Variants in COL22A1 observed in about 807,000 individuals in gnomAD.
COL22A1 encodes the protein collagen alpha-1(XXII) chain.
Under a neutral mutation model 248.9 loss-of-function variants are expected in COL22A1, and 221 were observed. The observed-to-expected ratio is 0.89, with a 90% CI of 0.80 to 0.99. The LOEUF is 0.99. Among genes scored for constraint, COL22A1 ranks in the 50% least tolerant of loss-of-function variants. The pLI is 0.00. For missense variants in COL22A1, 2,240 were observed against 2,179.0 expected, an observed-to-expected ratio of 1.03 and a Z score of -0.56; for synonymous variants, 891 against 793.4, an observed-to-expected ratio of 1.12 and a Z score of -2.07.
intron 30 of COL22A1, among the ~76,000 whole-genome samples, chr8:138,713,538 G>A (rs12674545): frequency 0.78 from 119,068 of 152,122 alleles, 47,457 homozygotes; most frequent in Non-Finnish European, 0.86. Context: ...CAGACAAATA[G>A]GCCCGTGGAC....
intron 46 of COL22A1, among the ~76,000 whole-genome samples, chr8:138,646,936 C>T (rs1822253789): frequency 1.3e-5 from 2 of 152,166 alleles, no homozygotes; most frequent in Admixed American, 6.5e-5. Flanking sequence ...GCCTGATGGC[C>T]CCTGCCTCCC....
At chr8:138,769,882 A>G (rs1436929924) in intron 16 of COL22A1, among the ~76,000 whole-genome samples, 3 of 152,104 alleles carry the variant, frequency 2.0e-5, no homozygotes, top group African/African-American at 7.2e-5. Flanking sequence ...TGCAGGGTGG[A>G]TTGTGGCTTC....
At chr8:138,675,107 T>C (rs1825408193) in intron 41 of COL22A1, among the ~76,000 whole-genome samples, 1 of 152,200 alleles carries the variant, frequency 6.6e-6, no homozygotes, top group Non-Finnish European at 1.5e-5. Flanking sequence ...CAGAGCTACC[T>C]GGTCTTCTTG....
chr8:138,782,221 G>A (rs908203867), intron 12 of COL22A1, among the ~76,000 whole-genome samples: 1 of 152,204 alleles, frequency 6.6e-6, no homozygotes, highest in Non-Finnish European at 1.5e-5. Context: ...CTTCCTGGCT[G>A]TGAGACCTTT....
intron 3 of COL22A1, among the ~76,000 whole-genome samples, chr8:138,853,816 A>G (rs1821815265): frequency 6.6e-6 from 1 of 152,204 alleles, no homozygotes; most frequent in Admixed American, 6.5e-5. Flanking sequence ...GAAGACGAAC[A>G]CTTACAAGAG....
chr8:138,900,137 G>A (rs1814434563), intron 1 of COL22A1, among the ~76,000 whole-genome samples: 1 of 152,204 alleles, frequency 6.6e-6, no homozygotes, highest in African/African-American at 2.4e-5. Flanking sequence ...CCGCCCAGAA[G>A]GGGTAGAATA....
At chr8:138,900,274 A>T (rs1056865030) in intron 1 of COL22A1, among the ~76,000 whole-genome samples, 1 of 152,180 alleles carries the variant, frequency 6.6e-6, no homozygotes, top group African/African-American at 2.4e-5. Flanking sequence ...GGAGATAAAA[A>T]AGAGCTCTGG....
In COL22A1 at chr8:138,881,540, C is replaced by T. The variant is rs564228865; in HGVS notation, c.91+1542G>A. 2.6e-5 allele frequency among the ~76,000 whole-genome samples: 4 copies of T among 152,208 alleles called. No homozygotes were observed. The South Asian group carries it at 8.3e-4, about 32-fold the overall frequency. On this transcript the variant is annotated intron_variant, in intron 2 of 64. Coordinates refer to ENST00000303045, the MANE Select transcript of COL22A1 (RefSeq NM_152888.3). ...CTCTACTAAAAATACAAAAAATTAG[C>T]CAGGCATGGTGGCAGGCGCCTGTAG...
At chr8:138,829,403 GTTTTTTTTTTT>G (rs765618552) in intron 5 of COL22A1, among the ~76,000 whole-genome samples, 1 of 90,640 alleles carries the variant, frequency 1.1e-5, no homozygotes, top group African/African-American at 4.3e-5. Context: ...TTCCTTTCCT[GTTTTTTTTTTT>G]TTTTTTTTTT....
At chr8:138,692,463 ATGTGTGTGTGTGTGTG>A (rs145298366) in intron 35 of COL22A1, among the ~76,000 whole-genome samples, 71 of 136,112 alleles carry the variant, frequency 5.2e-4, no homozygotes, top group Middle Eastern at 4.1e-3. Context: ...GTGTGAGTGC[ATGTGTGTGTGTGTGTG>A]TGTGTGTGTG....
At chr8:138,656,011 A>G (rs538735144) in intron 44 of COL22A1, 67 bp from the exon 45 acceptor site, 38 of 1,298,350 alleles carry the variant, frequency 2.9e-5, no homozygotes, top group East Asian at 4.6e-5. Context: ...AGGCATCTTC[A>G]GAAAGCAAAA....
intron 1 of COL22A1, 142 bp from the exon 2 acceptor site, chr8:138,883,386 TGTGTGACCTTCCAGAGCAGAGCCAA>T (rs1563884701): frequency 8.6e-6 from 5 of 580,710 alleles, no homozygotes; most frequent in Admixed American, 6.1e-5. Flanking sequence ...AGGCAGCGAA[TGTGTGACCTTCCAGAGCAGAGCCAA>T]GTGTGACCTC....
chr8:138,753,397 G>T (rs1832758655), intron 21 of COL22A1, among the ~76,000 whole-genome samples: 1 of 152,122 alleles, frequency 6.6e-6, no homozygotes, highest in Non-Finnish European at 1.5e-5. Flanking sequence ...ACTCCGAAGG[G>T]AATCTTATCA....
intron 1 of COL22A1, among the ~76,000 whole-genome samples, chr8:138,906,673 G>A (rs1815052238): frequency 6.8e-6 from 1 of 147,894 alleles, no homozygotes; most frequent in South Asian, 2.1e-4. Flanking sequence ...TTTTTTTTGA[G>A]ACAGAGTCTG....
At chr8:138,791,260 G>T (rs1816007787) in intron 12 of COL22A1, among the ~76,000 whole-genome samples, 1 of 152,164 alleles carries the variant, frequency 6.6e-6, no homozygotes, top group Non-Finnish European at 1.5e-5. Flanking sequence ...CGTGCAAGGA[G>T]GAAGAATCAA....
At chr8:138,653,154 T>C (rs1822915572) in intron 45 of COL22A1, among the ~76,000 whole-genome samples, 3 of 152,176 alleles carry the variant, frequency 2.0e-5, no homozygotes, top group Non-Finnish European at 4.4e-5. Flanking sequence ...GCTTACTACA[T>C]GGAGAAAATA....
chr8:138,660,328 T>C, intron 44 of COL22A1, 108 bp downstream of exon 44: 1 of 936,384 alleles, frequency 1.1e-6, no homozygotes, highest in East Asian at 2.4e-5. Flanking sequence ...CACAGTTTTG[T>C]CAAATGTTCC....
intron 47 of COL22A1, among the ~76,000 whole-genome samples, chr8:138,637,206 T>G (rs1032670785): frequency 1.3e-5 from 2 of 151,978 alleles, no homozygotes; most frequent in African/African-American, 2.4e-5. Context: ...GAGAAAAGGG[T>G]CAGTTAAAAA....
At position 138,690,812 on chromosome 8, in the gene COL22A1, A is replaced by G. The variant is rs1272098120; in HGVS notation, c.2808+9T>C. ...TGGGCCGTGCGTATGCCCTCTCCCA[A>G]TTACTCACCACACTTCCTGGAGGGC... On this transcript the variant is annotated intron_variant, in intron 36 of 64. Coordinates refer to ENST00000303045, the MANE Select transcript of COL22A1 (RefSeq NM_152888.3). 3 of 1,607,490 alleles carry G rather than the reference A, an allele frequency of 1.9e-6. No individual in the cohort carries two copies. Among genetic ancestry groups the G allele is most frequent in the Middle Eastern group, 1.7e-4 (1 of 6,060 alleles).
Sources: allele counts gnomAD v4.1 joint callset (sites outside exome capture counted in the v4.1 genomes callset), GRCh38; gene constraint gnomAD v4.1.1; transcripts MANE v1.5; gene names NCBI Gene and HGNC (gene_info 2026-07-23, HGNC 2026-07-21).